The following WDR81 variants were observed in gnomAD, a reference collection of about 807,000 sequenced individuals.
WDR81 encodes WD repeat domain 81, also known as WD repeat-containing protein 81.
A neutral mutation model predicts 140.8 loss-of-function variants in WDR81; 92 were observed. The observed-to-expected ratio is 0.65, with a 90% CI of 0.55 to 0.78. WDR81 has a LOEUF of 0.78. Among genes scored for constraint, WDR81 ranks in the 30% least tolerant of loss-of-function variants. The pLI is 0.00. For synonymous variants in WDR81, 1,183 were observed against 1,156.4 expected, an observed-to-expected ratio of 1.02 and a Z score of -0.47; for missense variants, 2,502 against 2,636.4, an observed-to-expected ratio of 0.95 and a Z score of 1.12.
upstream of WDR81, among the ~76,000 whole-genome samples, chr17:1,723,435 G>C (rs1296656725): frequency 7.0e-6 from 1 of 143,424 alleles, no homozygotes; most frequent in East Asian, 2.0e-4. Flanking sequence ...TTATTTATTT[G>C]GTTTTATTTT....
At position 1,727,063 on chromosome 17, in the gene WDR81, C is replaced by G; in HGVS notation, c.2104C>G (p.Arg702Gly). ...FSVASASRPGRRNKAAGADPG... is the reference protein window; with the variant it reads ...FSVASASRPGGRNKAAGADPG... ...AGTGGCCTCAGCCTCCCGTCCAGGC[C>G]GCAGGAATAAAGCTGCTGGGGCAGA... Residue 702 changes from arginine (R) to glycine (G), a missense_variant, in exon 1 of 10, where the codon CGC becomes GGC. This residue lies in a region of WDR81 where 1,737 missense variants were observed against 1,843.0 expected (regional missense o/e 0.94). Transcript: ENST00000409644. 1 of 1,550,128 alleles carries G rather than the reference C, an allele frequency of 6.5e-7. No homozygotes were observed. Among genetic ancestry groups the G allele is most frequent in the East Asian group, 2.4e-5 (1 of 40,928 alleles).
intron 1 of WDR81, chr17:1,716,829 C>G (rs1914591343): frequency 1.5e-6 from 1 of 656,462 alleles, no homozygotes; most frequent in Non-Finnish European, 2.6e-6. Flanking sequence ...GAGCGTCAGC[C>G]CCCAGGGCAG....
At chr17:1,730,003 A>AG (rs71375530) in intron 1 of WDR81, among the ~76,000 whole-genome samples, 2 of 145,040 alleles carry the variant, frequency 1.4e-5, no homozygotes, top group Admixed American at 6.8e-5. Context: ...AAAAAAAAAA[A>AG]AAGAAGAAGA....
At chr17:1,717,025 C>T (rs1242746486) in intron 1 of WDR81, 8 of 316,070 alleles carry the variant, frequency 2.5e-5, no homozygotes, top group Admixed American at 2.3e-4. Flanking sequence ...AGATTCATAG[C>T]ACAGTCCTCA....
At chr17:1,732,516 G>A (rs372911839) in intron 5 of WDR81, 26 bp downstream of exon 5, 16 of 1,606,914 alleles carry the variant, frequency 1.0e-5, no homozygotes, top group African/African-American at 8.0e-5. Context: ...GGGCCAGGGC[G>A]GGCTGGGGCG....
At position 1,724,810 on chromosome 17, in the gene WDR81, C is replaced by T; in HGVS notation, c.-150C>T. The T allele has an allele frequency of 8.4e-7, 1 of 1,197,584 alleles. No homozygotes were observed. The highest frequency in any genetic ancestry group is 1.0e-6 in the Non-Finnish European group (1 of 965,844). The allele number at this position is 1,197,584 out of a possible 1,614,324, so 74.2% of individuals were successfully genotyped here. On this transcript the variant is annotated 5_prime_UTR_variant, in exon 1 of 10. Transcript: ENST00000409644. ...GGGTAAGCGCGCCCCCCGTCCGCCT[C>T]TTCGCCGCCGCCGGCTTCCTGCGGC... is the stretch of plus-strand genomic sequence containing the variant.
At position 1,726,756 on chromosome 17, in the gene WDR81, C is replaced by A. The variant is rs758709415; in HGVS notation, c.1797C>A (p.Ala599=). ...PQRLAGAPAL[A]PEPPLIPKLL... ...GCCTGGCTGGGGCTCCTGCCCTTGC[C>A]CCCGAGCCTCCCCTCATCCCCAAGC... The change falls in exon 1 of 10, where the codon GCC becomes GCA. Residue 599 remains alanine, a synonymous_variant. Transcript: ENST00000409644. 1 of 1,547,680 alleles carries A rather than the reference C, an allele frequency of 6.5e-7. No individual in the cohort carries two copies. The highest frequency in any genetic ancestry group is 1.2e-5 in the South Asian group (1 of 84,026).
In WDR81 at chr17:1,735,608, G is replaced by A. The variant is rs773387838; in HGVS notation, c.5216G>A (p.Arg1739Gln). Residue 1739 changes from arginine to glutamine, a missense_variant, in exon 8 of 10, where the codon CGG (arginine) becomes CAG (glutamine). Physicochemically the swap from Arg to Gln is conservative, Grantham distance 43. Coordinates refer to ENST00000409644, the MANE Select transcript of WDR81 (RefSeq NM_001163809.2). The surrounding 1 kb of genome is among the most constrained non-coding windows in gnomAD (Gnocchi z 4.2). Reference sequence around the variant, plus strand: ...CGCACAGTGGAGCCGCTGGACAGCCGGGTGCCCCTGACTGCGGTGGCTGTC... The same window carrying A: ...CGCACAGTGGAGCCGCTGGACAGCCAGGTGCCCCTGACTGCGGTGGCTGTC... Reference protein sequence around the residue: ...TLRTVEPLDSRVPLTAVAVMP... With the variant: ...TLRTVEPLDSQVPLTAVAVMP... The A allele has an allele frequency of 4.3e-6, 7 of 1,612,590 alleles. No homozygotes were observed. Among genetic ancestry groups the A allele is most frequent in the Non-Finnish European group, 4.2e-6 (5 of 1,179,882 alleles).
Position 1,726,086 on chromosome 17 carries a change from A to AC in WDR81, c.1131dup (p.Asn378GlnfsTer34). 6.5e-7 allele frequency: 1 copy of AC among 1,547,246 alleles called. No homozygotes were observed. Among genetic ancestry groups the AC allele is most frequent in the Non-Finnish European group, 8.7e-7 (1 of 1,144,910 alleles). ...CGGTTGGCAGGTCGGCGGCAGGGGG[A>AC]CCCCAACTACCACCCCGTGCTGCCC... On this transcript the variant is annotated frameshift_variant, in exon 1 of 10. Coordinates refer to ENST00000409644, the MANE Select transcript of WDR81 (RefSeq NM_001163809.2). LOFTEE classifies it high-confidence loss of function.
intron 6 of WDR81, 60 bp from the exon 7 acceptor site, chr17:1,733,467 T>TG (rs974880406): frequency 6.8e-7 from 1 of 1,474,866 alleles, no homozygotes; most frequent in Non-Finnish European, 9.0e-7. Flanking sequence ...AGTCCTTGGA[T>TG]GGGTGATAGC....
In WDR81 at chr17:1,725,260, G is replaced by A. The variant is rs1312450513; in HGVS notation, c.301G>A (p.Gly101Ser). The A allele has an allele frequency of 1.3e-6, 2 of 1,544,302 alleles. No homozygotes were observed. Among genetic ancestry groups the A allele is most frequent in the Non-Finnish European group, 1.7e-6 (2 of 1,146,952 alleles). ...GCGCTCTGTGCAAAGGCTGCCTGCC[G>A]GCTGGACGCGCGTGGAGGTGCATGG... ...LQRSVQRLPA[G>S]WTRVEVHGLR... Residue 101 changes from glycine (G) to serine (S), a missense_variant, in exon 1 of 10, where the codon GGC (glycine) becomes AGC (serine). By Grantham distance (56) the Gly-to-Ser change is moderately conservative. Around this residue, in one of 3 missense-constraint regions of WDR81, gnomAD observed 547 missense variants for 513.8 expected, o/e 1.06. Coordinates refer to ENST00000409644, the MANE Select transcript of WDR81 (RefSeq NM_001163809.2).
rs1904812405 is a variant in WDR81 at position 1,735,793 on chromosome 17, CAG to C, written c.5325+78_5325+79del. ...GCAAGGAGGAGAGACTCCCCAAAAA[CAG>C]AAAGCCAGGATGTTGTTCTGGGGCC... On this transcript the variant is annotated intron_variant, in intron 8 of 9. Transcript: ENST00000409644. The surrounding 1 kb of genome is among the most constrained non-coding windows in gnomAD (Gnocchi z 4.2). 1 of 1,524,474 alleles carries C rather than the reference CAG, an allele frequency of 6.6e-7. No individual in the cohort carries two copies. The highest frequency in any genetic ancestry group is 1.3e-5 in the South Asian group (1 of 78,472). The allele number at this position is 1,524,474 out of a possible 1,614,324, so 94.4% of individuals were successfully genotyped here.
At position 1,728,552 on chromosome 17, in the gene WDR81, G is replaced by C; in HGVS notation, c.3593G>C (p.Ser1198Thr). The change falls in exon 1 of 10, where the codon AGT (serine) becomes ACT (threonine). Residue 1198 changes from serine to threonine, a missense_variant. By Grantham distance (58) the Ser-to-Thr change is moderately conservative. Transcript: ENST00000409644. ...LSMETVVAGG[S>T]GGDGEEEEEA... ...ATGGAGACGGTTGTGGCCGGCGGCA[G>C]TGGGGGAGATGGAGAAGAAGAGGAG... The C allele has an allele frequency of 6.5e-7, 1 of 1,531,508 alleles. No homozygotes were observed. Among genetic ancestry groups the C allele is most frequent in the Non-Finnish European group, 8.8e-7 (1 of 1,133,058 alleles). 94.9% of individuals were successfully genotyped at this position (1,531,508 alleles called of 1,614,324 possible). A position where few individuals can be genotyped will look rare whatever the true frequency, so the allele number is the denominator to read the frequency against.
intron 2 of WDR81, 133 bp downstream of exon 2, chr17:1,730,620 C>CT (rs1915629189): frequency 8.5e-6 from 12 of 1,412,896 alleles, no homozygotes; most frequent in Non-Finnish European, 1.1e-5. Context: ...GGGTCCCAGT[C>CT]TAAGTGCCAG....
upstream of WDR81, among the ~76,000 whole-genome samples, chr17:1,722,260 C>A (rs957156314): frequency 6.6e-6 from 1 of 152,044 alleles, no homozygotes; most frequent in Non-Finnish European, 1.5e-5. Context: ...ATCATATGAC[C>A]AAGCACATGA....
Position 1,735,727 on chromosome 17 carries a change from GT to G in WDR81, c.5325+11del. ...GAAGCCTGGTCTGCAGGTCAGGGGG[GT>G]CCAGTTCCCTGAGCACTCGCCTGGT... is the stretch of plus-strand genomic sequence containing the variant. On this transcript the variant is annotated intron_variant, in intron 8 of 9. Coordinates refer to ENST00000409644, the MANE Select transcript of WDR81 (RefSeq NM_001163809.2). This position sits in a 1 kb window ranked among gnomAD's most constrained non-coding sequence, Gnocchi z 4.2. 1 of 1,605,744 alleles carries G rather than the reference GT, an allele frequency of 6.2e-7. No homozygotes were observed. The highest frequency in any genetic ancestry group is 1.1e-5 in the South Asian group (1 of 90,318).
chr17:1,720,950 T>C (rs1009289574), upstream of WDR81, among the ~76,000 whole-genome samples: 28 of 152,040 alleles, frequency 1.8e-4, no homozygotes, highest in African/African-American at 5.3e-4. Flanking sequence ...TCAAGGTCAC[T>C]GCTGCAGTGT....
At position 1,735,872 on chromosome 17, in the gene WDR81, G is replaced by GTGATCCTGTGGGCACATCCTGCCCC; in HGVS notation, c.5325+155_5325+156insTGATCCTGTGGGCACATCCTGCCCC. On this transcript the variant is annotated intron_variant, in intron 8 of 9. Transcript: ENST00000409644. The surrounding 1 kb of genome is among the most constrained non-coding windows in gnomAD (Gnocchi z 4.2). ...TCACCCACAGCCACACATCCTGCGG[G>GTGATCCTGTGGGCACATCCTGCCCC]GCAGGACTCTGGCCTGTGATGGGGG... is the stretch of plus-strand genomic sequence containing the variant. The GTGATCCTGTGGGCACATCCTGCCCC allele has an allele frequency of 2.2e-6, 3 of 1,361,386 alleles. No homozygotes were observed. The allele number at this position is 1,361,386 out of a possible 1,614,324, so 84.3% of individuals were successfully genotyped here. A position where few individuals can be genotyped will look rare whatever the true frequency, so the allele number is the denominator to read the frequency against.
At chr17:1,723,241 A>G (rs1456144904), upstream of WDR81, among the ~76,000 whole-genome samples, 3 of 151,992 alleles carry the variant, frequency 2.0e-5, no homozygotes, top group Non-Finnish European at 4.4e-5. Context: ...CCACAGTGAC[A>G]TCTGGAGGCT....
Sources: allele counts gnomAD v4.1 joint callset (sites outside exome capture counted in the v4.1 genomes callset), GRCh38; gene constraint gnomAD v4.1.1; regional missense constraint gnomAD v4.1.1; non-coding constraint Gnocchi (gnomAD v3.1); transcripts MANE v1.5; gene names NCBI Gene and HGNC (gene_info 2026-07-23, HGNC 2026-07-21).